KCNG3: variants seen among roughly 807,000 people sequenced by gnomAD.
The protein encoded by KCNG3 is voltage-gated potassium channel regulatory subunit KCNG3.
In KCNG3, 15 loss-of-function variants were observed where a neutral mutation model predicts 29.0. The ratio of observed to expected loss-of-function variants is 0.52; its 90% confidence interval spans 0.35 to 0.80. The LOEUF is 0.80. Among genes scored for constraint, KCNG3 ranks in the 30% least tolerant of loss-of-function variants. The probability of loss-of-function intolerance (pLI) is 0.01; values close to 1 mark genes in which losing one functional copy is unlikely to be tolerated. For synonymous variants in KCNG3, 322 were observed against 248.9 expected (o/e 1.29, Z -2.76); for missense variants, 512 against 605.7 (o/e 0.85, Z 1.62).
In KCNG3 at chr2:42,479,606, A is replaced by C. The variant is rs1410673239; in HGVS notation, c.665+13231T>G. Among the ~76,000 whole-genome samples, 7 of 151,222 alleles carry C rather than the reference A, an allele frequency of 4.6e-5. No homozygotes were observed. In the South Asian group the frequency reaches 1.5e-3, roughly 32 times the overall value. ...GGCTGCAGTGAGCCAAGATAGCACC[A>C]CTGCACTTCAGTCTGGGTGACAAAA... is the stretch of plus-strand genomic sequence containing the variant. On this transcript the variant is annotated intron_variant, in intron 1 of 1. Transcript: ENST00000306078.
At chr2:42,467,456 T>C (rs1280613844) in intron 1 of KCNG3, among the ~76,000 whole-genome samples, 4 of 150,968 alleles carry the variant, frequency 2.6e-5, no homozygotes, top group South Asian at 2.1e-4. Context: ...TCATCTGAGG[T>C]CAGGAGTGCA....
chr2:42,403,477 GTTTTT>G, the KCNG3 span, among the ~76,000 whole-genome samples: 5 of 87,778 alleles, frequency 5.7e-5, no homozygotes, highest in East Asian at 1.7e-3. Context: ...TTTCTTTTCT[GTTTTT>G]TTTTTTTTTT....
chr2:42,467,558 C>G (rs1157452305), intron 1 of KCNG3, among the ~76,000 whole-genome samples: 1 of 151,674 alleles, frequency 6.6e-6, no homozygotes, highest in African/African-American at 2.4e-5. Flanking sequence ...ATCCCAGCTA[C>G]TCAGGAGGCT....
chr2:42,395,756 C>G, the KCNG3 span, among the ~76,000 whole-genome samples: 1 of 152,042 alleles, frequency 6.6e-6, no homozygotes, highest in African/African-American at 2.4e-5. Flanking sequence ...GAGTTCAAGA[C>G]CAGCCTGAGC....
chr2:42,489,420 GT>G (rs959495383), intron 1 of KCNG3, among the ~76,000 whole-genome samples: 24 of 152,070 alleles, frequency 1.6e-4, no homozygotes, highest in African/African-American at 5.6e-4. Flanking sequence ...AATAAAAGAT[GT>G]TTTAATAACA....
At chr2:42,418,170 CAAT>C in the KCNG3 span, among the ~76,000 whole-genome samples, 6 of 152,046 alleles carry the variant, frequency 3.9e-5, no homozygotes, top group Non-Finnish European at 8.8e-5. Flanking sequence ...AGCCATCATA[CAAT>C]AATAACTCCT....
the KCNG3 span, among the ~76,000 whole-genome samples, chr2:42,410,145 C>G: frequency 6.6e-6 from 1 of 152,118 alleles, no homozygotes; most frequent in Non-Finnish European, 1.5e-5. Flanking sequence ...CTTCCTACTT[C>G]TTTATTGTTG....
At chr2:42,484,159 T>C (rs182984940) in intron 1 of KCNG3, among the ~76,000 whole-genome samples, 43 of 152,282 alleles carry the variant, frequency 2.8e-4, no homozygotes, top group Non-Finnish European at 5.3e-4. Flanking sequence ...ATCCCAATTA[T>C]GTATTTAAAA....
At chr2:42,400,915 A>G in the KCNG3 span, among the ~76,000 whole-genome samples, 11 of 152,068 alleles carry the variant, frequency 7.2e-5, no homozygotes, top group South Asian at 2.1e-4. Flanking sequence ...ACTAAAATTC[A>G]TCTATTATAA....
chr2:42,460,407 T>G (rs1400407026), intron 1 of KCNG3, among the ~76,000 whole-genome samples: 1 of 152,076 alleles, frequency 6.6e-6, no homozygotes, highest in African/African-American at 2.4e-5. Context: ...ATAAAAAGAT[T>G]TTTAAAAGAA....
At chr2:42,461,757 T>G (rs773770918) in intron 1 of KCNG3, among the ~76,000 whole-genome samples, 19 of 152,208 alleles carry the variant, frequency 1.2e-4, no homozygotes, top group Non-Finnish European at 2.8e-4. Flanking sequence ...GACTACCACA[T>G]GGGTTCTATT....
At chr2:42,392,870 G>T in the KCNG3 span, among the ~76,000 whole-genome samples, 13 of 152,022 alleles carry the variant, frequency 8.6e-5, no homozygotes, top group Admixed American at 8.5e-4. Context: ...CAAGCTTTAA[G>T]ACCAGAAGCG....
chr2:42,428,469 A>AG, the KCNG3 span, among the ~76,000 whole-genome samples: 1 of 149,480 alleles, frequency 6.7e-6, no homozygotes, highest in African/African-American at 2.5e-5. Flanking sequence ...GAAAAAAAAA[A>AG]AAAAAAAAAG....
Position 42,442,653 on chromosome 2 carries a change from T to C in KCNG3, c.*1281A>G, listed in dbSNP as rs759966378. The C allele has an allele frequency of 2.8e-4, 43 of 152,244 alleles. No homozygotes were observed. Among genetic ancestry groups the C allele is most frequent in the Non-Finnish European group, 4.4e-4 (30 of 68,042 alleles). 9.4% of individuals were successfully genotyped at this position (152,244 alleles called of 1,614,324 possible). On this transcript the variant is annotated 3_prime_UTR_variant, in exon 2 of 2. Transcript: ENST00000306078. ...TTTTATGAATCTGTCACTAATTATT[T>C]GTGTTTATATATACACTAACTTCTT... is the stretch of plus-strand genomic sequence containing the variant.
At chr2:42,393,202 T>C in the KCNG3 span, among the ~76,000 whole-genome samples, 1 of 151,128 alleles carries the variant, frequency 6.6e-6, no homozygotes, top group Non-Finnish European at 1.5e-5. Context: ...ATGCAATAAG[T>C]GATTATTATG....
At chr2:42,471,361 A>T (rs1343674435) in intron 1 of KCNG3, among the ~76,000 whole-genome samples, 5 of 152,168 alleles carry the variant, frequency 3.3e-5, no homozygotes, top group Non-Finnish European at 5.9e-5. Flanking sequence ...ACATGGATGA[A>T]TCTTGATAAT....
intron 1 of KCNG3, among the ~76,000 whole-genome samples, chr2:42,449,510 ATTTCTT>A (rs1672694127): frequency 2.4e-5 from 3 of 125,470 alleles, no homozygotes; most frequent in African/African-American, 8.9e-5. Context: ...AGCCACTGAG[ATTTCTT>A]TTTTTTTTTT....
At chr2:42,395,642 T>C in the KCNG3 span, among the ~76,000 whole-genome samples, 3 of 152,204 alleles carry the variant, frequency 2.0e-5, no homozygotes, top group Admixed American at 6.5e-5. Context: ...CCATCATAAA[T>C]TGAAAATGTT....
the KCNG3 span, among the ~76,000 whole-genome samples, chr2:42,433,531 G>C: frequency 6.6e-6 from 1 of 152,132 alleles, no homozygotes; most frequent in East Asian, 1.9e-4. Flanking sequence ...TTGAGGTCAG[G>C]AGTTCAAGAC....
Sources: allele counts gnomAD v4.1 joint callset (sites outside exome capture counted in the v4.1 genomes callset), GRCh38; gene constraint gnomAD v4.1.1; transcripts MANE v1.5; gene names NCBI Gene and HGNC (gene_info 2026-07-23, HGNC 2026-07-21).